CBFA2T3: variants seen among roughly 807,000 people sequenced by gnomAD.
CBFA2T3 encodes CBFA2/RUNX1 partner transcriptional co-repressor 3.
CBFA2T3 carries 31 observed loss-of-function variants against 58.6 expected under a neutral mutation model. The observed-to-expected ratio is 0.53, with a 90% CI of 0.40 to 0.71. CBFA2T3 has a LOEUF of 0.71. Among genes scored for constraint, CBFA2T3 ranks in the 30% least tolerant of loss-of-function variants. The pLI, the probability that CBFA2T3 is intolerant of heterozygous loss-of-function variation, is 0.00. For missense variants in CBFA2T3, 1,076 were observed against 963.1 expected, an observed-to-expected ratio of 1.12 and a Z score of -1.55; for synonymous variants, 531 against 421.9, an observed-to-expected ratio of 1.26 and a Z score of -3.17.
intron 1 of CBFA2T3, among the ~76,000 whole-genome samples, chr16:88,914,458 T>A (rs1372694976): frequency 6.6e-6 from 1 of 152,126 alleles, no homozygotes. Context: ...TGAGTGAACA[T>A]CAACAAGGCG....
chr16:88,900,282 T>G (rs1176018129), intron 2 of CBFA2T3, among the ~76,000 whole-genome samples: 1 of 152,244 alleles, frequency 6.6e-6, no homozygotes, highest in Non-Finnish European at 1.5e-5. Context: ...GGCCACCCCA[T>G]TCCCCAACCA....
chr16:88,968,943 G>A (rs913389192), intron 1 of CBFA2T3, among the ~76,000 whole-genome samples: 3 of 152,194 alleles, frequency 2.0e-5, no homozygotes, highest in African/African-American at 7.2e-5. Context: ...CAGCGCTGCA[G>A]GCCTCACACA....
chr16:88,975,744 G>T (rs566830650), intron 1 of CBFA2T3, among the ~76,000 whole-genome samples: 1 of 152,262 alleles, frequency 6.6e-6, no homozygotes. Context: ...GGGGCCCCAC[G>T]GGCAGCTGCA....
At chr16:88,945,795 C>G (rs995484738) in intron 1 of CBFA2T3, among the ~76,000 whole-genome samples, 1 of 152,202 alleles carries the variant, frequency 6.6e-6, no homozygotes, top group Admixed American at 6.5e-5. Flanking sequence ...TACCACGCCA[C>G]CCAGCATTCA....
rs1169860840 is a variant in CBFA2T3 at position 88,875,071 on chromosome 16, A to ACGGGC, written c.*1900_*1904dup. The ACGGGC allele has an allele frequency of 4.3e-6, 1 of 234,448 alleles. No individual in the cohort carries two copies. The highest frequency in any genetic ancestry group is 8.4e-6 in the Non-Finnish European group (1 of 118,722). The allele number at this position is 234,448 out of a possible 1,614,324, so 14.5% of individuals were successfully genotyped here. On this transcript the variant is annotated 3_prime_UTR_variant, in exon 12 of 12. Transcript: ENST00000268679. Reference sequence around the variant, plus strand: ...TAGCCACGCACACAGATGCCAGGCCACGGGCCACGCCACGCGCACAGATGC... The same window carrying ACGGGC: ...TAGCCACGCACACAGATGCCAGGCCACGGGCCGGGCCACGCCACGCGCACAGATGC...
intron 1 of CBFA2T3, among the ~76,000 whole-genome samples, chr16:88,957,185 C>T (rs1041428021): frequency 2.0e-5 from 3 of 152,364 alleles, no homozygotes; most frequent in Middle Eastern, 3.4e-3. Flanking sequence ...CCTCCCCCAT[C>T]GACCCACTCC....
At chr16:88,964,011 C>T (rs1288503349) in intron 1 of CBFA2T3, among the ~76,000 whole-genome samples, 1 of 152,182 alleles carries the variant, frequency 6.6e-6, no homozygotes. Context: ...GAGAGCTGCC[C>T]AGAGCTCCCA....
At chr16:88,970,446 G>C (rs1415931911) in intron 1 of CBFA2T3, among the ~76,000 whole-genome samples, 2 of 152,340 alleles carry the variant, frequency 1.3e-5, no homozygotes, top group East Asian at 1.9e-4. Flanking sequence ...CCCTGGCAGA[G>C]ATGCACAGCC....
intron 1 of CBFA2T3, among the ~76,000 whole-genome samples, chr16:88,905,679 A>G (rs1567597358): frequency 8.9e-6 from 1 of 112,630 alleles, no homozygotes; most frequent in African/African-American, 3.4e-5. Context: ...GTGGGGCTGA[A>G]GGAGGGGCGG....
intron 1 of CBFA2T3, among the ~76,000 whole-genome samples, chr16:88,971,500 A>G (rs1972654734): frequency 6.6e-6 from 1 of 151,800 alleles, no homozygotes; most frequent in Non-Finnish European, 1.5e-5. Flanking sequence ...TGGGAGAGGA[A>G]GCCCCTCGGT....
rs1235510984 is a variant in CBFA2T3, at chr16:88,876,745, G to A, written c.*231C>T. 2 of 466,332 alleles carry A rather than the reference G, an allele frequency of 4.3e-6. No individual in the cohort carries two copies. Among genetic ancestry groups the A allele is most frequent in the Non-Finnish European group, 7.5e-6 (2 of 267,704 alleles). The allele number at this position is 466,332 out of a possible 1,614,324, so 28.9% of individuals were successfully genotyped here. On this transcript the variant is annotated 3_prime_UTR_variant, in exon 12 of 12. Coordinates refer to ENST00000268679, the MANE Select transcript of CBFA2T3 (RefSeq NM_005187.6). ...AGAGACGTTGTCAGGAGGTCTCCGC[G>A]CGGAATCATTAGGTAGCTGAGGCAG...
At chr16:88,936,549 A>C (rs1170458740) in intron 1 of CBFA2T3, among the ~76,000 whole-genome samples, 1 of 152,064 alleles carries the variant, frequency 6.6e-6, no homozygotes, top group Admixed American at 6.5e-5. Context: ...GCAGCCGAGG[A>C]GGCTCTGAGC....
chr16:88,944,852 G>A (rs756187151), intron 1 of CBFA2T3, among the ~76,000 whole-genome samples: 3 of 152,248 alleles, frequency 2.0e-5, no homozygotes, highest in South Asian at 2.1e-4. Context: ...ACCCTAGGAG[G>A]TAGGTCTTGC....
rs184885607 is a variant in CBFA2T3, at chr16:88,961,493, A to T, written c.151+15164T>A. 2.4e-3 allele frequency among the ~76,000 whole-genome samples: 360 copies of T among 149,292 alleles called. 3 individuals are homozygous for T. The highest frequency in any genetic ancestry group is 0.019 in the East Asian group (96 of 4,982). ...GCGCTGGGCATTCCCACTCCATAGT[A>T]ACCGACCCTCAGCGCTGGACATTCC... On this transcript the variant is annotated intron_variant, in intron 1 of 11. Coordinates refer to ENST00000268679, the MANE Select transcript of CBFA2T3 (RefSeq NM_005187.6).
rs775893654 is a variant in CBFA2T3, at chr16:88,881,291, C to T, written c.1402G>A (p.Asp468Asn). The T allele has an allele frequency of 6.3e-7, 1 of 1,592,846 alleles. No individual in the cohort carries two copies. The highest frequency in any genetic ancestry group is 1.1e-5 in the South Asian group (1 of 89,234). Residue 468 changes from aspartate to asparagine, a missense_variant and splice_region_variant, in exon 9 of 12, where the codon GAC (aspartate) becomes AAC (asparagine). Coordinates refer to ENST00000268679, the MANE Select transcript of CBFA2T3 (RefSeq NM_005187.6). ...SSAGPEGPQL[D>N]VPREFLPRTL... ...CCCTCCCCCCACACCCCACACGCAC[C>T]TAGCTGAGGCCCTTCGGGACCGGCG...
At position 88,958,231 on chromosome 16, in the gene CBFA2T3, G is replaced by A. The variant is rs557979512; in HGVS notation, c.151+18426C>T. ...CGAGAGGAAAGGGCCCTGGGCACAG[G>A]CTATGGCAGAAGAGCTTCGAGAGCC... On this transcript the variant is annotated intron_variant, in intron 1 of 11. Transcript: ENST00000268679. The surrounding 1 kb of genome is among the most constrained non-coding windows in gnomAD (Gnocchi z 4.0). Among the ~76,000 whole-genome samples, 1 of 152,302 alleles carries A rather than the reference G, an allele frequency of 6.6e-6. No homozygotes were observed. The highest frequency in any genetic ancestry group is 1.5e-5 in the Non-Finnish European group (1 of 68,020).
chr16:88,904,709 T>G (rs1390259170), intron 1 of CBFA2T3, among the ~76,000 whole-genome samples: 5 of 150,892 alleles, frequency 3.3e-5, no homozygotes, highest in Admixed American at 1.3e-4. Flanking sequence ...ATGGGACCTT[T>G]CCGGGCCCCA....
Position 88,892,426 on chromosome 16 carries a change from C to T in CBFA2T3, c.439G>A (p.Gly147Ser), listed in dbSNP as rs772959918. Residue 147 changes from glycine (G) to serine (S), a missense_variant, in exon 4 of 12, where the codon GGC becomes AGC. Physicochemically the swap from Gly to Ser is moderately conservative, Grantham distance 56. Coordinates refer to ENST00000268679, the MANE Select transcript of CBFA2T3 (RefSeq NM_005187.6). ...AINGAPCTPNGFSNGPATSST... is the reference protein window; with the variant it reads ...AINGAPCTPNSFSNGPATSST... Reference sequence around the variant, plus strand: ...GAGGTGGCCGGGCCATTGCTGAAGCCGTTGGGTGTGCACGGTGCACCATTG... The same window carrying T: ...GAGGTGGCCGGGCCATTGCTGAAGCTGTTGGGTGTGCACGGTGCACCATTG... 9 of 1,613,458 alleles carry T rather than the reference C, an allele frequency of 5.6e-6. No individual in the cohort carries two copies. The highest frequency in any genetic ancestry group is 1.6e-4 in the Middle Eastern group (1 of 6,084).
intron 7 of CBFA2T3, chr16:88,884,671 C>T (rs965517559): frequency 5.0e-6 from 1 of 200,726 alleles, no homozygotes; most frequent in South Asian, 1.3e-4. Context: ...ATTAACTCCC[C>T]CAGGCCTTGG....
Sources: allele counts gnomAD v4.1 joint callset (sites outside exome capture counted in the v4.1 genomes callset), GRCh38; gene constraint gnomAD v4.1.1; non-coding constraint Gnocchi (gnomAD v3.1); transcripts MANE v1.5; gene names NCBI Gene and HGNC (gene_info 2026-07-23, HGNC 2026-07-21).